The following ZNF638 variants were observed in gnomAD, a reference collection of about 807,000 sequenced individuals.
ZNF638 encodes zinc finger protein 638, also known as CTCL tumor antigen se33-1.
In ZNF638, 46 loss-of-function variants were observed where a neutral mutation model predicts 195.6. The observed-to-expected ratio is 0.24, with a 90% CI of 0.19 to 0.30. ZNF638 has a LOEUF of 0.30. Ranked by LOEUF, ZNF638 falls within the 10% of genes least tolerant of loss-of-function variation. The pLI, the probability that ZNF638 is intolerant of heterozygous loss-of-function variation, is 1.00. For synonymous variants in ZNF638, 845 were observed against 772.0 expected (o/e 1.09, Z -1.57); for missense variants, 2,440 against 2,325.3 (o/e 1.05, Z -1.01).
chr2:71,393,302 T>C, intron 10 of ZNF638: 1 of 637,442 alleles, frequency 1.6e-6, no homozygotes, highest in Non-Finnish European at 2.9e-6. Flanking sequence ...ACCCGCAGTT[T>C]TATGGAAAGA....
At position 71,427,094 on chromosome 2, in the gene ZNF638, A is replaced by G; in HGVS notation, c.5225A>G (p.Asp1742Gly). 1.2e-6 allele frequency: 2 copies of G among 1,614,210 alleles called. No individual in the cohort carries two copies. Among genetic ancestry groups the G allele is most frequent in the Non-Finnish European group, 1.7e-6 (2 of 1,180,024 alleles). Residue 1742 changes from aspartate (D) to glycine (G), a missense_variant, in exon 24 of 28, where the codon GAC (aspartate) becomes GGC (glycine). Physicochemically the swap from Asp to Gly is moderately conservative, Grantham distance 94. Around this residue, in one of 5 missense-constraint regions of ZNF638, gnomAD observed 1,883 missense variants for 1,739.1 expected, o/e 1.08. Coordinates refer to ENST00000264447, the MANE Select transcript of ZNF638 (RefSeq NM_014497.5). ...TLVTVDEIQD[D>G]SSDLHLVTLD... ...GTTACTGTAGATGAAATACAAGATGACAGCAGTGATTTGCATTTAGTGACT... is the reference window on the plus strand; with the variant it reads ...GTTACTGTAGATGAAATACAAGATGGCAGCAGTGATTTGCATTTAGTGACT...
At chr2:71,418,680 TA>T (rs780327093) in intron 21 of ZNF638, 41 bp downstream of exon 21, 39 of 1,408,354 alleles carry the variant, frequency 2.8e-5, no homozygotes, top group Non-Finnish European at 3.5e-5. Context: ...GTATAGTATT[TA>T]GTTTCTGAAT....
intron 1 of ZNF638, chr2:71,334,563 G>A (rs2104058755): frequency 6.6e-6 from 1 of 152,242 alleles, no homozygotes; most frequent in Non-Finnish European, 1.5e-5. Context: ...AAGATGAGAA[G>A]AGAATAATGG....
In ZNF638 at chr2:71,380,821, G is replaced by GT. The variant is rs143184865; in HGVS notation, c.2377+262dup. On this transcript the variant is annotated intron_variant, in intron 10 of 27. Transcript: ENST00000264447. ...TATCGTAGTTCCACAGTTAATAGCT[G>GT]TTTTTTACATGTTTAGGTTAGTTAT... 7 of 303,218 alleles carry GT rather than the reference G, an allele frequency of 2.3e-5. No individual in the cohort carries two copies. The East Asian group carries it at 2.8e-4, about 12-fold the overall frequency. The allele number at this position is 303,218 out of a possible 1,614,324, so 18.8% of individuals were successfully genotyped here.
chr2:71,359,398 G>C (rs187340915), intron 3 of ZNF638, among the ~76,000 whole-genome samples: 1 of 152,180 alleles, frequency 6.6e-6, no homozygotes, highest in East Asian at 1.9e-4. Context: ...AGGGCATCCC[G>C]CTCTGAGGGA....
chr2:71,406,040 C>G, intron 18 of ZNF638, 88 bp from the exon 19 acceptor site: 1 of 1,471,074 alleles, frequency 6.8e-7, no homozygotes, highest in Non-Finnish European at 9.3e-7. Context: ...ATCATCTGAC[C>G]TCTGTAATAG....
At chr2:71,401,305 C>G (rs1195511902) in intron 15 of ZNF638, among the ~76,000 whole-genome samples, 3 of 150,744 alleles carry the variant, frequency 2.0e-5, no homozygotes, top group Non-Finnish European at 4.4e-5. Context: ...AGAGAGTTAC[C>G]TTGAAGAATA....
rs2079279897 is a variant in ZNF638 at position 71,370,010 on chromosome 2, T to A, written c.2265+5T>A. On this transcript the variant is annotated splice_donor_5th_base_variant and intron_variant, in intron 8 of 27. Coordinates refer to ENST00000264447, the MANE Select transcript of ZNF638 (RefSeq NM_014497.5). ...CCAGGAAAGAAAAAAGCACAGGTAA[T>A]CTGGATTTAGGTCTTAAATGTTTTA... 2 of 1,588,442 alleles carry A rather than the reference T, an allele frequency of 1.3e-6. No individual in the cohort carries two copies. The highest frequency in any genetic ancestry group is 1.7e-6 in the Non-Finnish European group (2 of 1,173,076).
intron 1 of ZNF638, 89 bp from the exon 2 acceptor site, chr2:71,348,664 T>C: frequency 3.0e-6 from 4 of 1,326,322 alleles, no homozygotes; most frequent in South Asian, 3.0e-5. Flanking sequence ...TTCATGGCTT[T>C]ATTTCAAAAT....
intron 20 of ZNF638, 180 bp from the exon 21 acceptor site, chr2:71,418,422 C>CTT (rs943488219): frequency 2.5e-6 from 1 of 399,032 alleles, no homozygotes; most frequent in Non-Finnish European, 4.4e-6. Flanking sequence ...ATTTGGAGGT[C>CTT]TTTAATTAGA....
At chr2:71,410,008 CATTG>C (rs1159313233) in intron 20 of ZNF638, among the ~76,000 whole-genome samples, 1 of 152,128 alleles carries the variant, frequency 6.6e-6, no homozygotes, top group African/African-American at 2.4e-5. Flanking sequence ...TTACGTATTT[CATTG>C]ATTGATTGTC....
chr2:71,383,750 T>TTTC lies in ZNF638; in HGVS notation c.2377+3187_2377+3188insCTT, dbSNP rs2079578298. ...CTATGCCTGGCTAATTTTTCTTTTT[T>TTTC]TTTTTCTTTTTCTTTTTTTTTTTTT... On this transcript the variant is annotated intron_variant, in intron 10 of 27. Transcript: ENST00000264447. 3.5e-5 allele frequency among the ~76,000 whole-genome samples: 4 copies of TTTC among 113,166 alleles called. No homozygotes were observed. In the South Asian group the frequency reaches 8.7e-4, roughly 25 times the overall value. 74.2% of individuals were successfully genotyped at this position (113,166 alleles called of 152,430 possible). A position where few individuals can be genotyped will look rare whatever the true frequency, so the allele number is the denominator to read the frequency against.
chr2:71,359,873 C>T (rs1241883826), intron 3 of ZNF638, among the ~76,000 whole-genome samples: 1 of 151,996 alleles, frequency 6.6e-6, no homozygotes, highest in East Asian at 1.9e-4. Context: ...GATTATGATA[C>T]AAGAGTAGTT....
At chr2:71,373,437 ATTTTTTTTTT>A (rs754117239) in intron 8 of ZNF638, among the ~76,000 whole-genome samples, 21 of 71,016 alleles carry the variant, frequency 3.0e-4, no homozygotes, top group African/African-American at 7.9e-4. Flanking sequence ...TCAAGTTTGA[ATTTTTTTTTT>A]TTTTTTTTTT....
At chr2:71,396,017 C>T (rs911691699) in intron 10 of ZNF638, 124 bp from the exon 11 acceptor site, 4 of 801,998 alleles carry the variant, frequency 5.0e-6, no homozygotes, top group South Asian at 4.7e-5. Context: ...CATGGACATA[C>T]AAAGATGAGT....
chr2:71,378,127 A>G (rs986130202), intron 8 of ZNF638, among the ~76,000 whole-genome samples: 1 of 152,250 alleles, frequency 6.6e-6, no homozygotes, highest in African/African-American at 2.4e-5. Context: ...CCAGTTAAAC[A>G]TAGACTAAAA....
chr2:71,365,958 G>T (rs2079191426), intron 6 of ZNF638, among the ~76,000 whole-genome samples: 1 of 152,180 alleles, frequency 6.6e-6, no homozygotes, highest in Non-Finnish European at 1.5e-5. Flanking sequence ...GGTTCAGGCA[G>T]TCCTTCCACG....
At chr2:71,395,094 GA>G (rs2079865034) in intron 10 of ZNF638, among the ~76,000 whole-genome samples, 1 of 152,048 alleles carries the variant, frequency 6.6e-6, no homozygotes, top group African/African-American at 2.4e-5. Flanking sequence ...TAAAATTCTA[GA>G]ATCCCTAAAC....
intron 16 of ZNF638, among the ~76,000 whole-genome samples, chr2:71,403,051 A>C (rs1175883913): frequency 6.6e-6 from 1 of 152,162 alleles, no homozygotes; most frequent in Non-Finnish European, 1.5e-5. Context: ...TTTAAACCTA[A>C]GTTATGTGCC....
Sources: allele counts gnomAD v4.1 joint callset (sites outside exome capture counted in the v4.1 genomes callset), GRCh38; gene constraint gnomAD v4.1.1; regional missense constraint gnomAD v4.1.1; transcripts MANE v1.5; gene names NCBI Gene and HGNC (gene_info 2026-07-23, HGNC 2026-07-21).